The following THSD7B variants were observed in gnomAD, a reference collection of about 807,000 sequenced individuals.
THSD7B encodes the protein thrombospondin type 1 domain containing 7B, also known as thrombospondin type-1 domain-containing protein 7B.
Under a neutral mutation model 213.6 loss-of-function variants are expected in THSD7B, and 138 were observed. The observed-to-expected ratio is 0.65, with a 90% CI of 0.56 to 0.74. The LOEUF is 0.74. Ranked by LOEUF, THSD7B falls within the 30% of genes least tolerant of loss-of-function variation. The pLI is 0.00. For missense variants in THSD7B, 1,931 were observed against 1,991.5 expected (o/e 0.97, Z 0.58); for synonymous variants, 742 against 687.0 (o/e 1.08, Z -1.25).
chr2:137,011,143 C>T (rs1479588589), intron 2 of THSD7B, among the ~76,000 whole-genome samples: 1 of 152,108 alleles, frequency 6.6e-6, no homozygotes, highest in Non-Finnish European at 1.5e-5. Flanking sequence ...CTTGCCAGAG[C>T]TGAAGGTAGA....
chr2:136,949,850 G>A (rs1460073358), intron 2 of THSD7B, among the ~76,000 whole-genome samples: 2 of 152,102 alleles, frequency 1.3e-5, no homozygotes, highest in Admixed American at 1.3e-4. Flanking sequence ...ATACCTAAAG[G>A]AATATAAATC....
At chr2:136,952,162 C>T (rs1171996659) in intron 2 of THSD7B, among the ~76,000 whole-genome samples, 1 of 150,214 alleles carries the variant, frequency 6.7e-6, no homozygotes, top group East Asian at 2.0e-4. Flanking sequence ...CCATCACACC[C>T]AGCCAGTTTT....
chr2:137,401,465 C>T (rs1434608335), intron 12 of THSD7B, among the ~76,000 whole-genome samples: 9 of 152,074 alleles, frequency 5.9e-5, no homozygotes, highest in South Asian at 2.1e-4. Context: ...TATACTAGAA[C>T]GTTCCCAACA....
At chr2:137,011,819 C>T (rs1490886826) in intron 2 of THSD7B, among the ~76,000 whole-genome samples, 1 of 152,170 alleles carries the variant, frequency 6.6e-6, no homozygotes, top group Non-Finnish European at 1.5e-5. Flanking sequence ...TTTCTGAATT[C>T]CTATTGCATT....
intron 21 of THSD7B, among the ~76,000 whole-genome samples, chr2:137,650,960 G>A (rs1683126734): frequency 6.6e-6 from 1 of 152,070 alleles, no homozygotes; most frequent in South Asian, 2.1e-4. Flanking sequence ...TTAATGCATT[G>A]TTGAATTTGG....
chr2:137,303,009 T>C (rs1429832848), intron 12 of THSD7B, among the ~76,000 whole-genome samples: 1 of 152,134 alleles, frequency 6.6e-6, no homozygotes, highest in African/African-American at 2.4e-5. Flanking sequence ...CTTTATTTTA[T>C]TATTTTTGAA....
chr2:137,149,211 T>C (rs935754036), intron 5 of THSD7B, among the ~76,000 whole-genome samples: 5 of 152,164 alleles, frequency 3.3e-5, no homozygotes, highest in Admixed American at 2.6e-4. Context: ...TGCATAGAAG[T>C]CAAGAATAAA....
At chr2:137,234,048 C>T (rs1232255039) in intron 9 of THSD7B, among the ~76,000 whole-genome samples, 1 of 152,102 alleles carries the variant, frequency 6.6e-6, no homozygotes, top group African/African-American at 2.4e-5. Context: ...GAATGAAACT[C>T]ATTTATTTTC....
At chr2:137,078,461 C>T (rs1180984442) in intron 3 of THSD7B, among the ~76,000 whole-genome samples, 1 of 152,110 alleles carries the variant, frequency 6.6e-6, no homozygotes. Flanking sequence ...AGAGTTCTAA[C>T]CCACACCATT....
At chr2:136,873,811 A>G (rs935067557) in intron 1 of THSD7B, among the ~76,000 whole-genome samples, 1 of 152,178 alleles carries the variant, frequency 6.6e-6, no homozygotes, top group East Asian at 1.9e-4. Flanking sequence ...AAGGGTTATC[A>G]ATGACTGTCC....
chr2:137,208,634 G>C (rs995033693), intron 7 of THSD7B, among the ~76,000 whole-genome samples: 3 of 152,028 alleles, frequency 2.0e-5, no homozygotes, highest in African/African-American at 7.2e-5. Flanking sequence ...AAGGCTCAGA[G>C]GTAGGGTTTT....
chr2:136,878,998 A>G (rs553611538), intron 1 of THSD7B, among the ~76,000 whole-genome samples: 365 of 152,284 alleles, frequency 2.4e-3, no homozygotes, highest in African/African-American at 8.6e-3. Context: ...GCCCATGCCT[A>G]TGTCCTGAAT....
At chr2:137,363,975 TG>T (rs1685339242) in intron 12 of THSD7B, among the ~76,000 whole-genome samples, 1 of 152,180 alleles carries the variant, frequency 6.6e-6, no homozygotes, top group Non-Finnish European at 1.5e-5. Context: ...TGATGAACTT[TG>T]ATGTGAAAAT....
intron 12 of THSD7B, among the ~76,000 whole-genome samples, chr2:137,306,072 T>C (rs574707095): frequency 3.3e-5 from 5 of 152,194 alleles, no homozygotes; most frequent in African/African-American, 1.2e-4. Context: ...TTGCTCTGGG[T>C]GAATCAGTGA....
At chr2:137,313,251 C>T (rs1683969908) in intron 12 of THSD7B, among the ~76,000 whole-genome samples, 1 of 152,088 alleles carries the variant, frequency 6.6e-6, no homozygotes, top group Non-Finnish European at 1.5e-5. Context: ...GATCCCTTTA[C>T]TATTATGTAA....
chr2:137,412,383 C>T (rs1232020902), intron 14 of THSD7B, among the ~76,000 whole-genome samples: 2 of 151,744 alleles, frequency 1.3e-5, no homozygotes, highest in African/African-American at 4.8e-5. Flanking sequence ...GGCGGATCAC[C>T]TGAGGTCAGG....
chr2:137,288,713 G>T (rs1028101780), intron 12 of THSD7B, among the ~76,000 whole-genome samples: 1 of 151,784 alleles, frequency 6.6e-6, no homozygotes, highest in Non-Finnish European at 1.5e-5. Flanking sequence ...ATCAATAATT[G>T]ACATAAAAAT....
At chr2:137,071,529 T>G (rs1299768934) in intron 3 of THSD7B, among the ~76,000 whole-genome samples, 1 of 152,228 alleles carries the variant, frequency 6.6e-6, no homozygotes, top group African/African-American at 2.4e-5. Flanking sequence ...CTGATGGTAG[T>G]TACTTTTGCT....
chr2:137,189,443 T>G (rs1208587864), intron 7 of THSD7B, among the ~76,000 whole-genome samples: 7 of 152,092 alleles, frequency 4.6e-5, no homozygotes, highest in African/African-American at 1.4e-4. Context: ...GCCCTGCTCT[T>G]TCTCAGGGCC....
Sources: gnomAD v4.1 joint callset for allele counts (sites outside exome capture counted in the v4.1 genomes callset) on GRCh38, gnomAD v4.1.1 for gene constraint, MANE v1.5 for transcripts, NCBI Gene and HGNC (gene_info 2026-07-23, HGNC 2026-07-21) for gene names.